C3: variants seen among roughly 807,000 people sequenced by gnomAD.
C3 encodes the protein complement C3, also known as C3 and PZP-like alpha-2-macroglobulin domain-containing protein 1.
In C3, 97 loss-of-function variants were observed where a neutral mutation model predicts 207.9. That is an observed-to-expected ratio of 0.47 (90% CI 0.40 to 0.55). The LOEUF (loss-of-function observed/expected upper bound fraction) is 0.55. Ranked by LOEUF, C3 falls within the 20% of genes least tolerant of loss-of-function variation. The pLI, the probability that C3 is intolerant of heterozygous loss-of-function variation, is 0.00. For missense variants in C3, 1,684 were observed against 2,171.7 expected, an observed-to-expected ratio of 0.78 and a Z score of 4.46; for synonymous variants, 848 against 857.6, an observed-to-expected ratio of 0.99 and a Z score of 0.20.
At chr19:6,697,831 C>CG in intron 19 of C3, 37 bp from the exon 20 acceptor site, 2 of 1,599,198 alleles carry the variant, frequency 1.3e-6, no homozygotes, top group African/African-American at 2.7e-5. Flanking sequence ...GTGTCAAGGT[C>CG]GGGGAGTGGA....
At chr19:6,698,635 GGAGTTCAAGGCTGCAGTGAGCTATGA>G (rs902898111) in intron 19 of C3, among the ~76,000 whole-genome samples, 11 of 152,080 alleles carry the variant, frequency 7.2e-5, no homozygotes, top group African/African-American at 2.6e-4. Flanking sequence ...CTTGAGCCCA[GGAGTTCAAGGCTGCAGTGAGCTATGA>G]TCGCACCACT....
At chr19:6,694,867 C>T (rs1287182160) in intron 23 of C3, among the ~76,000 whole-genome samples, 4 of 152,124 alleles carry the variant, frequency 2.6e-5, no homozygotes, top group Non-Finnish European at 5.9e-5. Context: ...CCTTGGGTCT[C>T]ATTTCACCAG....
At chr19:6,708,074 CTCTT>C (rs1967820313) in intron 14 of C3, 145 bp from the exon 15 acceptor site, 3 of 833,456 alleles carry the variant, frequency 3.6e-6, no homozygotes, top group South Asian at 1.6e-5. Context: ...CCCTTCCTTT[CTCTT>C]TCTCTTTCCT....
At position 6,684,983 on chromosome 19, in the gene C3, T is replaced by C; in HGVS notation, c.3969+5A>G. The C allele has an allele frequency of 6.2e-7, 1 of 1,613,526 alleles. No homozygotes were observed. The highest frequency in any genetic ancestry group is 2.2e-5 in the East Asian group (1 of 44,886). On this transcript the variant is annotated splice_donor_5th_base_variant and intron_variant, in intron 30 of 40. Coordinates refer to ENST00000245907, the MANE Select transcript of C3 (RefSeq NM_000064.4). ...AGTGAGGAGGGCTTGGCTGGGTGACTGTACCTCTTCTGATCGCAGGAGGCT... is the reference window on the plus strand; with the variant it reads ...AGTGAGGAGGGCTTGGCTGGGTGACCGTACCTCTTCTGATCGCAGGAGGCT...
intron 27 of C3, among the ~76,000 whole-genome samples, chr19:6,689,374 T>TCTCTCTCTC (rs1918114159): frequency 3.4e-5 from 4 of 116,384 alleles, no homozygotes; most frequent in African/African-American, 1.6e-4. Flanking sequence ...TCTCTCTCTC[T>TCTCTCTCTC]CTCTCTCTCT....
intron 36 of C3, 133 bp downstream of exon 36, chr19:6,680,025 G>A: frequency 1.4e-6 from 1 of 712,164 alleles, no homozygotes; most frequent in Non-Finnish European, 2.6e-6. Context: ...AGACCCGTGG[G>A]ACCTTCATAC....
At chr19:6,689,360 C>CTCTCTCTCT (rs1555684220) in intron 27 of C3, among the ~76,000 whole-genome samples, 4 of 16,542 alleles carry the variant, frequency 2.4e-4, no homozygotes, top group African/African-American at 5.3e-4. Flanking sequence ...TCCCTCCCTC[C>CTCTCTCTCT]CTCTCTCTCT....
chr19:6,682,354 C>G lies in C3; in HGVS notation c.4173-125G>C, dbSNP rs767976861. The G allele has an allele frequency of 4.1e-6, 3 of 737,672 alleles. No individual in the cohort carries two copies. In the African/African-American group the frequency reaches 5.2e-5, roughly 13 times the overall value. The allele number at this position is 737,672 out of a possible 1,614,324, so 45.7% of individuals were successfully genotyped here. A position where few individuals can be genotyped will look rare whatever the true frequency, so the allele number is the denominator to read the frequency against. ...ATTCCCACATAGCAGCACAGAGGGGCGTTACATTTTTTAGGAAACATTTCC... is the reference window on the plus strand; with the variant it reads ...ATTCCCACATAGCAGCACAGAGGGGGGTTACATTTTTTAGGAAACATTTCC... On this transcript the variant is annotated intron_variant, in intron 33 of 40. Transcript: ENST00000245907.
chr19:6,710,348 GGA>G (rs1967887841), intron 13 of C3, among the ~76,000 whole-genome samples: 1 of 138,472 alleles, frequency 7.2e-6, no homozygotes, highest in Non-Finnish European at 1.6e-5. Context: ...AGAGAGAGAG[GGA>G]GAGAGAAAAG....
Position 6,678,246 on chromosome 19 carries a change from T to C in C3, c.4756A>G (p.Ser1586Gly). ...AGGGCTTCTCTGCACTTGATGGGGC[T>C]GATGAACGTGCGCTGCTGTCCAACC... ...VQVGQQRTFI[S>G]PIKCREALKL... Residue 1586 changes from serine (S) to glycine (G), a missense_variant, in exon 40 of 41, where the codon AGC becomes GGC. By Grantham distance (56) the Ser-to-Gly change is moderately conservative. This residue lies in a region of C3 where 346 missense variants were observed against 380.1 expected (regional missense o/e 0.91). Transcript: ENST00000245907. 6.2e-7 allele frequency: 1 copy of C among 1,614,156 alleles called. No individual in the cohort carries two copies. The highest frequency in any genetic ancestry group is 1.3e-5 in the African/African-American group (1 of 75,048).
chr19:6,698,827 C>T (rs1323692111), intron 19 of C3, among the ~76,000 whole-genome samples: 1 of 152,068 alleles, frequency 6.6e-6, no homozygotes, highest in Non-Finnish European at 1.5e-5. Flanking sequence ...TGGGGTCTCG[C>T]TCTGTCACCC....
rs879114238 is a variant in C3, at chr19:6,678,146, A to T, written c.4850+6T>A. The T allele has an allele frequency of 6.2e-7, 1 of 1,614,076 alleles. No individual in the cohort carries two copies. The highest frequency in any genetic ancestry group is 1.1e-5 in the South Asian group (1 of 91,090). On this transcript the variant is annotated splice_donor_region_variant and intron_variant, in intron 40 of 40. Coordinates refer to ENST00000245907, the MANE Select transcript of C3 (RefSeq NM_000064.4). ...GGTCGCGCGCACGCGCAGGGAAAGC[A>T]CTCACTTGGGCTTCTCTCCCCAGAA...
chr19:6,713,914 C>G, intron 7 of C3, 78 bp downstream of exon 7: 1 of 764,894 alleles, frequency 1.3e-6, no homozygotes. Flanking sequence ...CCCCACCTGA[C>G]TCCACCCCCA....
Position 6,692,882 on chromosome 19 carries a change from G to A in C3, c.3390+42C>T, listed in dbSNP as rs200172748. On this transcript the variant is annotated intron_variant, in intron 26 of 40. Transcript: ENST00000245907. ...CTCGTGTTCATCCTGCGAGACTCAG[G>A]AGCCCCTCTCTTCCATTTTGCCCTA... The A allele has an allele frequency of 1.0e-4, 162 of 1,608,124 alleles. No homozygotes were observed. In the African/African-American group the frequency reaches 1.9e-3, roughly 19 times the overall value.
chr19:6,712,452 CT>C, intron 10 of C3, 46 bp from the exon 11 acceptor site: 2 of 1,614,168 alleles, frequency 1.2e-6, no homozygotes, highest in Non-Finnish European at 1.7e-6. Flanking sequence ...AGGCTCAGGG[CT>C]GTGGCCGGTG....
rs1020947108 is a variant in C3 at position 6,712,123 on chromosome 19, C to A, written c.1269+134G>T. ...GTATCTCTATGCAAATGGCAGGACC[C>A]CTCTGCGCAGGAGAGAACCTCTCTA... On this transcript the variant is annotated intron_variant, in intron 11 of 40. Transcript: ENST00000245907. 3.1e-5 allele frequency: 36 copies of A among 1,152,304 alleles called. No homozygotes were observed. In the African/African-American group the frequency reaches 4.7e-4, roughly 15 times the overall value. 71.4% of individuals were successfully genotyped at this position (1,152,304 alleles called of 1,614,324 possible).
At chr19:6,709,628 A>ACCC in intron 14 of C3, 56 bp downstream of exon 14, 3 of 370,136 alleles carry the variant, frequency 8.1e-6, no homozygotes, top group Non-Finnish European at 1.4e-5. Flanking sequence ...CACCTCCCCC[A>ACCC]GCCCCAGCTC....
chr19:6,684,119 A>G, intron 33 of C3: 1 of 502,608 alleles, frequency 2.0e-6, no homozygotes, highest in Middle Eastern at 5.7e-4. Flanking sequence ...AAAAAAGAAA[A>G]CTTTAAAGGT....
In C3 at chr19:6,710,560, A is replaced by G. The variant is rs1568224847; in HGVS notation, c.1686+79T>C. 8.4e-6 allele frequency: 9 copies of G among 1,066,280 alleles called. No homozygotes were observed. The East Asian group carries it at 1.6e-4, about 19-fold the overall frequency. The allele number at this position is 1,066,280 out of a possible 1,614,324, so 66.1% of individuals were successfully genotyped here. On this transcript the variant is annotated intron_variant, in intron 13 of 40. Transcript: ENST00000245907. ...GAAAAGGAGAAAGGGAGAGAGAGAGAGAGAGGAGACAGGGAGAGAGAGAGA... is the reference window on the plus strand; with the variant it reads ...GAAAAGGAGAAAGGGAGAGAGAGAGGGAGAGGAGACAGGGAGAGAGAGAGA...
Sources: allele counts gnomAD v4.1 joint callset (sites outside exome capture counted in the v4.1 genomes callset), GRCh38; gene constraint gnomAD v4.1.1; regional missense constraint gnomAD v4.1.1; transcripts MANE v1.5; gene names NCBI Gene and HGNC (gene_info 2026-07-23, HGNC 2026-07-21).